Variants in ITGA11 observed in about 807,000 individuals in gnomAD.
ITGA11 encodes the protein integrin alpha-11.
Under a neutral mutation model 141.9 loss-of-function variants are expected in ITGA11, and 97 were observed. That is an observed-to-expected ratio of 0.68 (90% CI 0.58 to 0.81). ITGA11 has a LOEUF of 0.81. ITGA11 is among the 30% of genes least tolerant of loss of function. The pLI is 0.00. For synonymous variants in ITGA11, 658 were observed against 624.6 expected (o/e 1.05, Z -0.80); for missense variants, 1,387 against 1,559.2 (o/e 0.89, Z 1.86).
chr15:68,373,294 G>A (rs1238703118), intron 2 of ITGA11, among the ~76,000 whole-genome samples: 1 of 152,204 alleles, frequency 6.6e-6, no homozygotes, highest in Non-Finnish European at 1.5e-5. Flanking sequence ...CCAGAGTAGG[G>A]TGGTCCTGAA....
chr15:68,431,972 AG>A, intron 1 of ITGA11, 42 bp downstream of exon 1: 1 of 1,260,216 alleles, frequency 7.9e-7, no homozygotes. Flanking sequence ...GGGCCCAGGG[AG>A]GGACTCCGAG....
intron 5 of ITGA11, among the ~76,000 whole-genome samples, chr15:68,360,192 A>T (rs1387770952): frequency 6.6e-6 from 1 of 152,210 alleles, no homozygotes; most frequent in Admixed American, 6.5e-5. Flanking sequence ...GGCTCCACAC[A>T]TGTGGACTGA....
intron 6 of ITGA11, among the ~76,000 whole-genome samples, chr15:68,357,641 G>T (rs1895111157): frequency 1.3e-5 from 2 of 151,938 alleles, no homozygotes; most frequent in Non-Finnish European, 2.9e-5. Flanking sequence ...GTGGGTGGAA[G>T]GTCACAGTGT....
At chr15:68,361,391 G>A (rs1895239058) in intron 5 of ITGA11, among the ~76,000 whole-genome samples, 199 bp downstream of exon 5, 1 of 152,204 alleles carries the variant, frequency 6.6e-6, no homozygotes, top group African/African-American at 2.4e-5. Context: ...CATCACACTT[G>A]GGAGAGGGAG....
At chr15:68,316,617 T>TTTC (rs1220723529) in intron 21 of ITGA11, among the ~76,000 whole-genome samples, 1 of 152,188 alleles carries the variant, frequency 6.6e-6, no homozygotes, top group Non-Finnish European at 1.5e-5. Context: ...CCCACTCCCA[T>TTTC]TTCTTTCTCT....
Position 68,326,742 on chromosome 15 carries a change from AGGTGGGCCCTC to A in ITGA11, c.2112_2122del (p.Arg705GlyfsTer22). On this transcript the variant is annotated frameshift_variant, in exon 17 of 30. Transcript: ENST00000315757. LOFTEE classifies it high-confidence loss of function. This position sits in a 1 kb window ranked among gnomAD's most constrained non-coding sequence, Gnocchi z 6.8. Reference sequence around the variant, plus strand: ...GGTGAATCGGTCCCCGCCCTCGTCCAGGTGGGCCCTCGGTGTATACCGCCTCTCATCCATGG... The same window carrying A: ...GGTGAATCGGTCCCCGCCCTCGTCCAGGTGTATACCGCCTCTCATCCATGG... The A allele has an allele frequency of 1.9e-6, 3 of 1,582,968 alleles. No individual in the cohort carries two copies. The highest frequency in any genetic ancestry group is 2.6e-6 in the Non-Finnish European group (3 of 1,164,400).
At position 68,357,279 on chromosome 15, in the gene ITGA11, G is replaced by A. The variant is rs778041873; in HGVS notation, c.621C>T (p.Gly207=). Residue 207 remains glycine, a synonymous_variant, in exon 7 of 30, where the codon GGC becomes GGT. Coordinates refer to ENST00000315757, the MANE Select transcript of ITGA11 (RefSeq NM_001004439.2). ...GQIQVGVVQY[G]EDVVHEFHLN... ...GGTGAAACTCATGCACCACATCTTC[G>A]CCATACTGCACAACTCCAACCTGCA... is the stretch of plus-strand genomic sequence containing the variant. 46 of 1,613,410 alleles carry A rather than the reference G, an allele frequency of 2.9e-5. No individual in the cohort carries two copies. Among genetic ancestry groups the A allele is most frequent in the Non-Finnish European group, 3.7e-5 (44 of 1,179,790 alleles).
intron 2 of ITGA11, among the ~76,000 whole-genome samples, chr15:68,372,335 C>T (rs534130030): frequency 6.6e-6 from 1 of 152,168 alleles, no homozygotes; most frequent in South Asian, 2.1e-4. Flanking sequence ...CTGCCACCCC[C>T]TGCAGCCTCA....
Position 68,365,547 on chromosome 15 carries a change from GGT to G in ITGA11, c.266-751_266-750del, listed in dbSNP as rs58398705. 1,424 of 149,402 alleles carry G rather than the reference GGT, an allele frequency of 9.5e-3. 22 individuals carry two copies. The highest frequency in any genetic ancestry group is 0.066 in the East Asian group (333 of 5,052). 9.3% of individuals were successfully genotyped at this position (149,402 alleles called of 1,614,324 possible). A position where few individuals can be genotyped will look rare whatever the true frequency, so the allele number is the denominator to read the frequency against. ...TCTGAATTCCCCAGAAGTGTGTTGG[GGT>G]GTGTGTGTGTGTGTGTGTGTGTGTG... On this transcript the variant is annotated intron_variant, in intron 3 of 29. Coordinates refer to ENST00000315757, the MANE Select transcript of ITGA11 (RefSeq NM_001004439.2).
intron 28 of ITGA11, among the ~76,000 whole-genome samples, chr15:68,306,022 TAA>T (rs34840804): frequency 1.2e-3 from 154 of 127,962 alleles, no homozygotes; most frequent in African/African-American, 4.1e-3. Flanking sequence ...CTGTCTCTAC[TAA>T]AAAAAAAAAA....
rs1893241752 is a variant in ITGA11 at position 68,307,574 on chromosome 15, G to A, written c.3285+12C>T. ...CTTCTTCCTTCCAGCCCAGCCCAGGGGCTCTACTTACTGCTTTTAGGGACC... is the reference window on the plus strand; with the variant it reads ...CTTCTTCCTTCCAGCCCAGCCCAGGAGCTCTACTTACTGCTTTTAGGGACC... On this transcript the variant is annotated intron_variant, in intron 27 of 29. Coordinates refer to ENST00000315757, the MANE Select transcript of ITGA11 (RefSeq NM_001004439.2). The surrounding 1 kb of genome is among the most constrained non-coding windows in gnomAD (Gnocchi z 6.1). 6.3e-7 allele frequency: 1 copy of A among 1,595,938 alleles called. No homozygotes were observed. The highest frequency in any genetic ancestry group is 8.6e-7 in the Non-Finnish European group (1 of 1,165,272).
chr15:68,431,231 G>T (rs1897263120), intron 1 of ITGA11, among the ~76,000 whole-genome samples: 1 of 152,228 alleles, frequency 6.6e-6, no homozygotes, highest in South Asian at 2.1e-4. Flanking sequence ...CGGGCCGGAG[G>T]TTCCTGCCGC....
intron 21 of ITGA11, among the ~76,000 whole-genome samples, chr15:68,315,958 G>T (rs1381223525): frequency 1.3e-5 from 2 of 152,186 alleles, no homozygotes; most frequent in Non-Finnish European, 2.9e-5. Context: ...CCACAATGGG[G>T]TTTCTCGGGG....
Position 68,302,115 on chromosome 15 carries a change from T to TGTGTGTGTGTGTG in ITGA11, c.*943_*944insCACACACACACAC, listed in dbSNP as rs1555444826. 6 of 133,228 alleles carry TGTGTGTGTGTGTG rather than the reference T, an allele frequency of 4.5e-5. No individual in the cohort carries two copies. The highest frequency in any genetic ancestry group is 8.4e-5 in the African/African-American group (3 of 35,642). The allele number at this position is 133,228 out of a possible 1,614,324, so 8.3% of individuals were successfully genotyped here. A position where few individuals can be genotyped will look rare whatever the true frequency, so the allele number is the denominator to read the frequency against. ...GTGTGTGTGTGTGTGTGTGTGTGTG[T>TGTGTGTGTGTGTG]AGGGAGGGGGTGATACAGGGAGGGG... On this transcript the variant is annotated 3_prime_UTR_variant, in exon 30 of 30. Coordinates refer to ENST00000315757, the MANE Select transcript of ITGA11 (RefSeq NM_001004439.2).
intron 7 of ITGA11, among the ~76,000 whole-genome samples, chr15:68,356,241 G>A (rs972697962): frequency 5.9e-5 from 9 of 151,728 alleles, no homozygotes; most frequent in Admixed American, 3.3e-4. Context: ...GACTACAAGC[G>A]CATGCCGCCA....
Position 68,332,407 on chromosome 15 carries a change from C to T in ITGA11, c.1497G>A (p.Leu499=). 6.2e-7 allele frequency: 1 copy of T among 1,611,010 alleles called. No individual in the cohort carries two copies. The change falls in exon 13 of 30, where the codon CTG becomes CTA. Residue 499 remains leucine (L), a synonymous_variant. Coordinates refer to ENST00000315757, the MANE Select transcript of ITGA11 (RefSeq NM_001004439.2). ...CGTTGAAGTACATGGGTGCGCCCAC[C>T]AGCAGGACATCAGTCACGCCGTCGC... is the stretch of plus-strand genomic sequence containing the variant. The part of the protein sequence containing the change: ...IDGDGVTDVL[L]VGAPMYFNEG...
At chr15:68,425,604 C>T (rs1897124318) in intron 1 of ITGA11, among the ~76,000 whole-genome samples, 1 of 152,242 alleles carries the variant, frequency 6.6e-6, no homozygotes, top group Non-Finnish European at 1.5e-5. Context: ...CTAATGGACA[C>T]ACCTGTCTCA....
intron 21 of ITGA11, among the ~76,000 whole-genome samples, chr15:68,316,246 G>A (rs1056049135): frequency 3.3e-5 from 5 of 152,228 alleles, no homozygotes; most frequent in African/African-American, 7.2e-5. Flanking sequence ...CAAGGCATCC[G>A]CCCCTTGTCT....
In ITGA11 at chr15:68,332,394, T is replaced by C. The variant is rs1243982719; in HGVS notation, c.1510A>G (p.Met504Val). The change falls in exon 13 of 30, where the codon ATG becomes GTG. Residue 504 changes from methionine to valine, a missense_variant. Transcript: ENST00000315757. ...VTDVLLVGAPMYFNEGRERGK... is the reference protein window; with the variant it reads ...VTDVLLVGAPVYFNEGRERGK... ...CGCTCACGGCCCTCGTTGAAGTACA[T>C]GGGTGCGCCCACCAGCAGGACATCA... 4 of 1,610,462 alleles carry C rather than the reference T, an allele frequency of 2.5e-6. No individual in the cohort carries two copies. The highest frequency in any genetic ancestry group is 3.4e-6 in the Non-Finnish European group (4 of 1,178,664).
Sources: allele counts gnomAD v4.1 joint callset (sites outside exome capture counted in the v4.1 genomes callset), GRCh38; gene constraint gnomAD v4.1.1; non-coding constraint Gnocchi (gnomAD v3.1); transcripts MANE v1.5; gene names NCBI Gene and HGNC (gene_info 2026-07-23, HGNC 2026-07-21).